Variants in TTC39C observed in about 807,000 individuals in gnomAD.
TTC39C encodes tetratricopeptide repeat domain 39C.
In TTC39C, 33 loss-of-function variants were observed where a neutral mutation model predicts 76.3. The ratio of observed to expected loss-of-function variants is 0.43; its 90% confidence interval spans 0.33 to 0.58. TTC39C has a LOEUF of 0.58. Ranked by LOEUF, TTC39C falls within the 20% of genes least tolerant of loss-of-function variation. TTC39C has a pLI of 0.04. For missense variants in TTC39C, 595 were observed against 701.4 expected (o/e 0.85, Z 1.71); for synonymous variants, 254 against 260.6 (o/e 0.97, Z 0.24).
rs575933082 is a variant in TTC39C, at chr18:24,113,393, G to A, written c.985-1161G>A. 7.3e-4 allele frequency: 430 copies of A among 587,142 alleles called. 1 individual carries two copies. The highest frequency in any genetic ancestry group is 2.3e-3 in the Admixed American group (76 of 33,108). 36.4% of individuals were successfully genotyped at this position (587,142 alleles called of 1,614,324 possible). A position where few individuals can be genotyped will look rare whatever the true frequency, so the allele number is the denominator to read the frequency against. ...GCCCAGGTCTGCGGGTGGGGGACCC[G>A]TCCTCTGAGAAGCCTGCAGCTTCTC... On this transcript the variant is annotated intron_variant, in intron 6 of 13. Coordinates refer to ENST00000317571, the MANE Select transcript of TTC39C (RefSeq NM_001135993.2).
At chr18:24,047,766 A>G (rs2083903459) in intron 1 of TTC39C, among the ~76,000 whole-genome samples, 1 of 152,198 alleles carries the variant, frequency 6.6e-6, no homozygotes, top group African/African-American at 2.4e-5. Context: ...AGTATCTCTT[A>G]CTGCTAATAT....
At position 24,132,715 on chromosome 18, in the gene TTC39C, C is replaced by T. The variant is rs191858324; in HGVS notation, c.*141C>T. 1.3e-3 allele frequency: 741 copies of T among 577,462 alleles called. 4 individuals carry two copies. The African/African-American group carries it at 0.013, about 10-fold the overall frequency. The allele number at this position is 577,462 out of a possible 1,614,324, so 35.8% of individuals were successfully genotyped here. ...GGACACATTTTCCCAGTTAAGCTGA[C>T]ATATTAAAGATCTCCTCTTTTAAAC... On this transcript the variant is annotated 3_prime_UTR_variant, in exon 14 of 14. Transcript: ENST00000317571.
chr18:23,995,257 C>T (rs1265699411), intron 1 of TTC39C, among the ~76,000 whole-genome samples: 2 of 152,128 alleles, frequency 1.3e-5, no homozygotes, highest in Admixed American at 6.5e-5. Context: ...CACTTGAGGT[C>T]AGGAGTTTGA....
At chr18:24,074,360 G>A (rs1056285485) in intron 4 of TTC39C, among the ~76,000 whole-genome samples, 19 of 152,280 alleles carry the variant, frequency 1.2e-4, no homozygotes, top group Admixed American at 1.1e-3. Context: ...TTATTGGAAC[G>A]CTAAGCATGT....
At chr18:24,091,653 T>A (rs779812858) in intron 6 of TTC39C, among the ~76,000 whole-genome samples, 1 of 152,054 alleles carries the variant, frequency 6.6e-6, no homozygotes, top group South Asian at 2.1e-4. Flanking sequence ...ATTTGCGCTA[T>A]AAACAATACA....
intron 1 of TTC39C, among the ~76,000 whole-genome samples, chr18:24,016,133 T>G (rs2083451789): frequency 6.6e-6 from 1 of 152,248 alleles, no homozygotes; most frequent in Non-Finnish European, 1.5e-5. Context: ...GCTTCCACCT[T>G]CTTAATGGCG....
chr18:24,070,959 C>T (rs576819219), intron 4 of TTC39C, among the ~76,000 whole-genome samples: 11 of 152,198 alleles, frequency 7.2e-5, no homozygotes, highest in Admixed American at 1.3e-4. Context: ...AATGGAGTCT[C>T]GCAGTGTTTC....
Position 24,023,141 on chromosome 18 carries a change from C to T in TTC39C, c.167+8103C>T, listed in dbSNP as rs561424837. On this transcript the variant is annotated intron_variant, in intron 1 of 13. Transcript: ENST00000317571. ...CAGTCAGCAAGTGCAGCCCAGGAGG[C>T]GGCTGCCCTGTAGGAGCTCTGAAAG... is the stretch of plus-strand genomic sequence containing the variant. 4.9e-4 allele frequency among the ~76,000 whole-genome samples: 74 copies of T among 152,274 alleles called. 1 individual carries two copies. The South Asian group carries it at 0.015, about 31-fold the overall frequency.
intron 6 of TTC39C, among the ~76,000 whole-genome samples, chr18:24,112,707 G>A (rs890189541): frequency 6.6e-6 from 1 of 152,160 alleles, no homozygotes; most frequent in African/African-American, 2.4e-5. Context: ...GGAACAGCTC[G>A]GTGGTGATGG....
At chr18:24,002,442 C>G (rs77757737) in intron 1 of TTC39C, among the ~76,000 whole-genome samples, 2,359 of 152,270 alleles carry the variant, frequency 0.015, 56 homozygotes, top group African/African-American at 0.054. Flanking sequence ...CCAAATTGAC[C>G]AGCAGCCATT....
At chr18:24,101,708 C>A (rs914723077) in intron 6 of TTC39C, among the ~76,000 whole-genome samples, 1 of 152,176 alleles carries the variant, frequency 6.6e-6, no homozygotes, top group Non-Finnish European at 1.5e-5. Context: ...ATTAGGTCTT[C>A]TCGGCTTTCT....
At chr18:24,109,053 T>C (rs2084779156) in intron 6 of TTC39C, among the ~76,000 whole-genome samples, 1 of 151,660 alleles carries the variant, frequency 6.6e-6, no homozygotes, top group Non-Finnish European at 1.5e-5. Context: ...TATTTCAACA[T>C]CCCAGCTGGG....
At chr18:24,022,394 C>A (rs2083527648) in intron 1 of TTC39C, among the ~76,000 whole-genome samples, 1 of 152,084 alleles carries the variant, frequency 6.6e-6, no homozygotes, top group Non-Finnish European at 1.5e-5. Context: ...TTATTATCTC[C>A]CTTAGACAGA....
chr18:24,060,313 G>GTTTTTTTTTTTTTTTTTTTTTT (rs1294806136), intron 1 of TTC39C, among the ~76,000 whole-genome samples: 1 of 89,240 alleles, frequency 1.1e-5, no homozygotes, highest in Non-Finnish European at 2.1e-5. Context: ...TTGCGTTTCT[G>GTTTTTTTTTTTTTTTTTTTTTT]TTTTTTTTTT....
At chr18:24,023,966 A>ATC (rs1568408846) in intron 1 of TTC39C, among the ~76,000 whole-genome samples, 1 of 11,172 alleles carries the variant, frequency 9.0e-5, no homozygotes, top group Non-Finnish European at 3.4e-4. Context: ...ATATATATAT[A>ATC]TATATATATA....
Position 24,128,897 on chromosome 18 carries a change from G to C in TTC39C, c.1432G>C (p.Val478Leu). The change falls in exon 11 of 14, where the codon GTG becomes CTG. Residue 478 changes from valine to leucine, a missense_variant. Physicochemically the swap from Val to Leu is conservative, Grantham distance 32. Transcript: ENST00000317571. Reference sequence around the variant, plus strand: ...CCCTTCTTTTTAAGCTTGCCATGAAGTGGATGACTCATCTGTTGTTGGATT... The same window carrying C: ...CCCTTCTTTTTAAGCTTGCCATGAACTGGATGACTCATCTGTTGTTGGATT... Reference protein sequence around the residue: ...LQRMSQACHEVDDSSVVGLKY... With the variant: ...LQRMSQACHELDDSSVVGLKY... The C allele has an allele frequency of 6.2e-7, 1 of 1,613,346 alleles. No homozygotes were observed. The highest frequency in any genetic ancestry group is 1.1e-5 in the South Asian group (1 of 91,006).
intron 6 of TTC39C, among the ~76,000 whole-genome samples, chr18:24,084,304 T>A (rs2145764750): frequency 6.6e-6 from 1 of 151,926 alleles, no homozygotes; most frequent in African/African-American, 2.4e-5. Context: ...GCCAACATGG[T>A]GAAACCCTGT....
intron 8 of TTC39C, among the ~76,000 whole-genome samples, chr18:24,122,745 C>T (rs2084987135): frequency 6.6e-6 from 1 of 151,962 alleles, no homozygotes; most frequent in African/African-American, 2.4e-5. Context: ...ATCTTTGGGG[C>T]CTGAGGTGAG....
intron 7 of TTC39C, among the ~76,000 whole-genome samples, chr18:24,117,798 A>ACT (rs1164882743): frequency 6.6e-6 from 1 of 151,560 alleles, no homozygotes; most frequent in Non-Finnish European, 1.5e-5. Flanking sequence ...ACCTGTGTGT[A>ACT]CTCTTGGAGA....
Sources: gnomAD v4.1 joint callset for allele counts (sites outside exome capture counted in the v4.1 genomes callset) on GRCh38, gnomAD v4.1.1 for gene constraint, MANE v1.5 for transcripts, NCBI Gene and HGNC (gene_info 2026-07-23, HGNC 2026-07-21) for gene names.